RAB3IL1: variants seen among roughly 807,000 people sequenced by gnomAD.
The protein encoded by RAB3IL1 is guanine nucleotide exchange factor for Rab-3A.
In RAB3IL1, 37 loss-of-function variants were observed where a neutral mutation model predicts 49.2. The ratio of observed to expected loss-of-function variants is 0.75; its 90% CI spans 0.58 to 0.99. The LOEUF is 0.99. RAB3IL1 is among the 50% of genes least tolerant of loss of function. The pLI is 0.00. For synonymous variants in RAB3IL1, 193 were observed against 213.9 expected (o/e 0.90, Z 0.85); for missense variants, 484 against 513.0 (o/e 0.94, Z 0.55).
At chr11:61,907,303 G>T in intron 4 of RAB3IL1, 90 bp downstream of exon 4, 1 of 1,371,446 alleles carries the variant, frequency 7.3e-7, no homozygotes, top group Non-Finnish European at 1.0e-6. Context: ...CCAGGTGAGC[G>T]TCCACTCGGG....
At chr11:61,934,457 T>TATATATATA in the RAB3IL1 span, among the ~76,000 whole-genome samples, 2 of 41,196 alleles carry the variant, frequency 4.9e-5, no homozygotes, top group African/African-American at 1.7e-4. Context: ...TATGTATATA[T>TATATATATA]ATATATATAT....
At chr11:61,907,797 C>G in intron 2 of RAB3IL1, 137 bp from the exon 3 acceptor site, 3 of 927,358 alleles carry the variant, frequency 3.2e-6, no homozygotes, top group Non-Finnish European at 4.9e-6. Context: ...TGGTGCCTGA[C>G]AGTTTGTGAT....
In RAB3IL1 at chr11:61,898,123, G is replaced by T; in HGVS notation, c.*155C>A. 1.4e-6 allele frequency: 1 copy of T among 696,010 alleles called. No homozygotes were observed. Among genetic ancestry groups the T allele is most frequent in the East Asian group, 2.5e-5 (1 of 39,872 alleles). 43.1% of individuals were successfully genotyped at this position (696,010 alleles called of 1,614,324 possible). The stretch of plus-strand genomic sequence containing the variant: ...CCCGTCTGTCCCAGGATGGACGTGT[G>T]GTGCTGGCTCAGTGCTGCCTCCATG... On this transcript the variant is annotated 3_prime_UTR_variant, in exon 10 of 10. Transcript: ENST00000394836. The surrounding 1 kb of genome is among the most constrained non-coding windows in gnomAD (Gnocchi z 5.1).
the RAB3IL1 span, among the ~76,000 whole-genome samples, chr11:61,942,358 A>G: frequency 6.6e-6 from 1 of 152,112 alleles, no homozygotes; most frequent in South Asian, 2.1e-4. Context: ...AAAACCAGAG[A>G]CCTTTGTTCA....
the RAB3IL1 span, among the ~76,000 whole-genome samples, chr11:61,933,209 G>C: frequency 2.6e-5 from 4 of 152,188 alleles, no homozygotes; most frequent in Non-Finnish European, 5.9e-5. Flanking sequence ...AGTCTGTAAA[G>C]ATGTAATTAA....
At chr11:61,918,751 G>A (rs1470618238), upstream of RAB3IL1, among the ~76,000 whole-genome samples, 2 of 152,206 alleles carry the variant, frequency 1.3e-5, no homozygotes, top group South Asian at 2.1e-4. Flanking sequence ...GAGTGGAGGC[G>A]AGGCTGGATT....
At chr11:61,943,857 G>T in the RAB3IL1 span, among the ~76,000 whole-genome samples, 1 of 152,102 alleles carries the variant, frequency 6.6e-6, no homozygotes, top group Non-Finnish European at 1.5e-5. Flanking sequence ...ACAGGACACG[G>T]ATTGCCCCTC....
upstream of RAB3IL1, among the ~76,000 whole-genome samples, chr11:61,918,178 T>C (rs969877493): frequency 6.6e-6 from 1 of 151,778 alleles, no homozygotes; most frequent in Admixed American, 6.6e-5. Flanking sequence ...CACACCTGTC[T>C]GGTCCCACAT....
At chr11:61,937,735 G>A in the RAB3IL1 span, among the ~76,000 whole-genome samples, 53,262 of 151,478 alleles carry the variant, frequency 0.35, 11,823 homozygotes, top group Middle Eastern at 0.58. Flanking sequence ...TAATGAAGGA[G>A]TTGAGGAACA....
upstream of RAB3IL1, among the ~76,000 whole-genome samples, chr11:61,925,200 A>G (rs940535385): frequency 6.6e-6 from 1 of 152,216 alleles, no homozygotes; most frequent in African/African-American, 2.4e-5. Context: ...GCTAACAAGT[A>G]AAGGAACTCA....
At chr11:61,902,564 A>G in intron 7 of RAB3IL1, 23 bp from the exon 8 acceptor site, 2 of 1,577,238 alleles carry the variant, frequency 1.3e-6, no homozygotes, top group Non-Finnish European at 1.7e-6. Flanking sequence ...AAAATGGGTC[A>G]CGGGGGCTGG....
chr11:61,930,884 C>T, the RAB3IL1 span, among the ~76,000 whole-genome samples: 1 of 152,128 alleles, frequency 6.6e-6, no homozygotes, highest in Non-Finnish European at 1.5e-5. Flanking sequence ...AAAAATTCAC[C>T]AGATAGATAT....
At chr11:61,919,674 T>A (rs933162753), upstream of RAB3IL1, among the ~76,000 whole-genome samples, 6 of 152,066 alleles carry the variant, frequency 3.9e-5, no homozygotes, top group Admixed American at 3.9e-4. Flanking sequence ...AAAAGTTGTG[T>A]CCTCTGCCTA....
chr11:61,930,638 C>G, the RAB3IL1 span, among the ~76,000 whole-genome samples: 1 of 152,030 alleles, frequency 6.6e-6, no homozygotes, highest in African/African-American at 2.4e-5. Context: ...ATTAGCCAGG[C>G]GTGGTGGTGC....
the RAB3IL1 span, among the ~76,000 whole-genome samples, chr11:61,934,450 GTATATA>G: frequency 6.3e-3 from 198 of 31,588 alleles, 11 homozygotes; most frequent in East Asian, 0.035. Flanking sequence ...GTGTGTGTAT[GTATATA>G]TATATATATA....
At chr11:61,909,863 T>C (rs1377184673) in intron 1 of RAB3IL1, among the ~76,000 whole-genome samples, 1 of 152,094 alleles carries the variant, frequency 6.6e-6, no homozygotes, top group African/African-American at 2.4e-5. Flanking sequence ...TCCCAGCACT[T>C]TGGGAGGCTG....
At chr11:61,926,743 G>A in the RAB3IL1 span, among the ~76,000 whole-genome samples, 1 of 151,910 alleles carries the variant, frequency 6.6e-6, no homozygotes, top group Admixed American at 6.6e-5. Context: ...TAGTAGAGAT[G>A]GGGGTTTCAC....
the RAB3IL1 span, among the ~76,000 whole-genome samples, chr11:61,934,975 A>G: frequency 1.3e-5 from 2 of 152,226 alleles, no homozygotes; most frequent in Admixed American, 1.3e-4. Flanking sequence ...AACAAGTACT[A>G]CAAGCCTCAA....
At chr11:61,928,810 G>T in the RAB3IL1 span, among the ~76,000 whole-genome samples, 1 of 152,190 alleles carries the variant, frequency 6.6e-6, no homozygotes, top group African/African-American at 2.4e-5. Context: ...TCAATATCAA[G>T]CAGTGAGCTC....
Sources: gnomAD v4.1 joint callset for allele counts (sites outside exome capture counted in the v4.1 genomes callset) on GRCh38, gnomAD v4.1.1 for gene constraint, Gnocchi (gnomAD v3.1) non-coding constraint, MANE v1.5 for transcripts, NCBI Gene and HGNC (gene_info 2026-07-23, HGNC 2026-07-21) for gene names.